The following CRTC3 variants were observed in gnomAD, a reference collection of about 807,000 sequenced individuals.
CRTC3 encodes the protein CREB-regulated transcription coactivator 3.
A neutral mutation model predicts 74.5 loss-of-function variants in CRTC3; 26 were observed. That is an observed-to-expected ratio of 0.35 (90% confidence interval 0.26 to 0.48). The LOEUF (loss-of-function observed/expected upper bound fraction) is 0.48. Among genes scored for constraint, CRTC3 ranks in the 20% least tolerant of loss-of-function variants. The pLI, the probability that CRTC3 is intolerant of heterozygous loss-of-function variation, is 0.99. For synonymous variants in CRTC3, 377 were observed against 325.8 expected (o/e 1.16, Z -1.69); for missense variants, 760 against 787.3 (o/e 0.97, Z 0.41).
At chr15:90,534,048 G>A (rs1411326176) in intron 1 of CRTC3, among the ~76,000 whole-genome samples, 1 of 152,186 alleles carries the variant, frequency 6.6e-6, no homozygotes, top group Non-Finnish European at 1.5e-5. Flanking sequence ...GTTAAACTAT[G>A]TGAGATTTGC....
chr15:90,538,773 C>CTTTTT (rs4031379), intron 1 of CRTC3, among the ~76,000 whole-genome samples: 3 of 144,460 alleles, frequency 2.1e-5, no homozygotes, highest in Non-Finnish European at 3.0e-5. Flanking sequence ...CAAACTTCAC[C>CTTTTT]TTTTTTTTTT....
chr15:90,581,078 C>A lies in CRTC3; in HGVS notation c.232-12558C>A, dbSNP rs138752496. Among the ~76,000 whole-genome samples the A allele has an allele frequency of 4.5e-3, 678 of 152,240 alleles. 2 individuals carry two copies. The highest frequency in any genetic ancestry group is 0.014 in the Middle Eastern group (4 of 294). Reference sequence around the variant, plus strand: ...GCATGGCTGGATGAGAAAGGAGTGGCCTGCCTGGGAAAGTACTCCGTTCCC... The same window carrying A: ...GCATGGCTGGATGAGAAAGGAGTGGACTGCCTGGGAAAGTACTCCGTTCCC... On this transcript the variant is annotated intron_variant, in intron 2 of 14. Coordinates refer to ENST00000268184, the MANE Select transcript of CRTC3 (RefSeq NM_022769.5).
intron 2 of CRTC3, among the ~76,000 whole-genome samples, chr15:90,550,132 A>G (rs111902140): frequency 0.039 from 5,937 of 151,490 alleles, 392 homozygotes; most frequent in African/African-American, 0.14. Context: ...AGTTTGTATT[A>G]AATATTTAAA....
rs531112986 is a variant in CRTC3, at chr15:90,569,422, C to T, written c.232-24214C>T. On this transcript the variant is annotated intron_variant, in intron 2 of 14. Coordinates refer to ENST00000268184, the MANE Select transcript of CRTC3 (RefSeq NM_022769.5). ...GCAGCCTCTGCCTCCCTGGTTCAAA[C>T]GATTCTCCTGCCACAGCCTCCCAAG... Among the ~76,000 whole-genome samples the T allele has an allele frequency of 9.1e-4, 134 of 147,918 alleles. 1 individual carries two copies. Among genetic ancestry groups the T allele is most frequent in the African/African-American group, 3.1e-3 (126 of 40,254 alleles).
intron 13 of CRTC3, among the ~76,000 whole-genome samples, chr15:90,640,298 T>C (rs1969392828): frequency 1.3e-5 from 2 of 152,188 alleles, no homozygotes; most frequent in South Asian, 4.1e-4. Flanking sequence ...TTATAACCAG[T>C]CCTCATAGAG....
At chr15:90,626,610 A>ATTTTTTT (rs1968842924) in intron 10 of CRTC3, among the ~76,000 whole-genome samples, 1 of 132,926 alleles carries the variant, frequency 7.5e-6, no homozygotes, top group African/African-American at 3.3e-5. Flanking sequence ...GAAGCCTGAC[A>ATTTTTTT]CTTTTTTTTT....
rs540731143 is a variant in CRTC3 at position 90,633,582 on chromosome 15, A to G, written c.1266+4050A>G. On this transcript the variant is annotated intron_variant, in intron 11 of 14. Coordinates refer to ENST00000268184, the MANE Select transcript of CRTC3 (RefSeq NM_022769.5). The stretch of plus-strand genomic sequence containing the variant: ...GTCCCCAGTGTTCTGAAACTTCAAG[A>G]TGATGTGGCTTGGCGTGAGTCTGCA... Among the ~76,000 whole-genome samples, 4 of 152,274 alleles carry G rather than the reference A, an allele frequency of 2.6e-5. No individual in the cohort carries two copies. In the South Asian group the frequency reaches 8.3e-4, roughly 32 times the overall value.
intron 2 of CRTC3, among the ~76,000 whole-genome samples, chr15:90,592,716 A>G (rs193213110): frequency 6.6e-6 from 1 of 152,220 alleles, no homozygotes; most frequent in African/African-American, 2.4e-5. Flanking sequence ...CAGGGGTTAC[A>G]CACTCTGAAT....
intron 9 of CRTC3, among the ~76,000 whole-genome samples, chr15:90,625,358 T>A (rs1265508286): frequency 6.6e-6 from 1 of 151,670 alleles, no homozygotes; most frequent in Non-Finnish European, 1.5e-5. Context: ...ACTGTAATTT[T>A]AAAAATATAT....
Position 90,607,541 on chromosome 15 carries a change from G to A in CRTC3, c.577+63G>A, listed in dbSNP as rs1256157015. 8 of 1,043,586 alleles carry A rather than the reference G, an allele frequency of 7.7e-6. No individual in the cohort carries two copies. The South Asian group carries it at 1.1e-4, about 14-fold the overall frequency. 64.6% of individuals were successfully genotyped at this position (1,043,586 alleles called of 1,614,324 possible). On this transcript the variant is annotated intron_variant, in intron 6 of 14. Transcript: ENST00000268184. The stretch of plus-strand genomic sequence containing the variant: ...TGCTCATTCTGTCCTAGGAACCAAG[G>A]GAGAGAGAAGCTGAAGTGGTGTTTG...
chr15:90,588,846 A>G (rs1234199954), intron 2 of CRTC3, among the ~76,000 whole-genome samples: 2 of 152,256 alleles, frequency 1.3e-5, no homozygotes, highest in East Asian at 1.9e-4. Flanking sequence ...CTCCTTTCCA[A>G]TGTCCGGGTA....
intron 11 of CRTC3, chr15:90,634,909 C>T (rs1884005954): frequency 1.9e-5 from 30 of 1,575,390 alleles, no homozygotes; most frequent in Non-Finnish European, 2.3e-5. Context: ...GAGATTCAAC[C>T]AGTTAGCGTG....
chr15:90,581,967 G>A (rs1166199729), intron 2 of CRTC3, among the ~76,000 whole-genome samples: 1 of 152,110 alleles, frequency 6.6e-6, no homozygotes, highest in African/African-American at 2.4e-5. Flanking sequence ...TTTCCTGCTT[G>A]GCCTGAAGTG....
intron 4 of CRTC3, among the ~76,000 whole-genome samples, chr15:90,603,297 GC>G (rs1280330207): frequency 6.7e-6 from 1 of 149,414 alleles, no homozygotes; most frequent in Non-Finnish European, 1.5e-5. Flanking sequence ...CAAAAAAGTA[GC>G]CGGGCGTGGT....
chr15:90,633,823 T>C (rs1969132391), intron 11 of CRTC3, among the ~76,000 whole-genome samples: 17 of 152,168 alleles, frequency 1.1e-4, no homozygotes, highest in Admixed American at 1.1e-3. Context: ...TTGTTTTGCT[T>C]TGCTTTCTGG....
At chr15:90,606,158 A>G (rs1195552661) in intron 5 of CRTC3, among the ~76,000 whole-genome samples, 1 of 152,204 alleles carries the variant, frequency 6.6e-6, no homozygotes, top group African/African-American at 2.4e-5. Flanking sequence ...TGAGAGGCTG[A>G]GGCGAGAGAG....
At chr15:90,563,281 C>T (rs572427943) in intron 2 of CRTC3, among the ~76,000 whole-genome samples, 60 of 152,034 alleles carry the variant, frequency 3.9e-4, no homozygotes, top group Non-Finnish European at 6.3e-4. Flanking sequence ...TGGTCAATGC[C>T]GGTAATCCCA....
intron 3 of CRTC3, chr15:90,597,721 G>A (rs756012212): frequency 7.2e-5 from 11 of 152,120 alleles, no homozygotes; most frequent in African/African-American, 1.7e-4. Flanking sequence ...CCTAACACCC[G>A]TCTTATCTTG....
chr15:90,574,091 G>C (rs1187087238), intron 2 of CRTC3, among the ~76,000 whole-genome samples: 1 of 152,074 alleles, frequency 6.6e-6, no homozygotes, highest in Non-Finnish European at 1.5e-5. Flanking sequence ...TTAAAAATTA[G>C]TACACAGTAT....
Sources: gnomAD v4.1 joint callset for allele counts (sites outside exome capture counted in the v4.1 genomes callset) on GRCh38, gnomAD v4.1.1 for gene constraint, MANE v1.5 for transcripts, NCBI Gene and HGNC (gene_info 2026-07-23, HGNC 2026-07-21) for gene names.